The following ELFN1 variants were observed in gnomAD, a reference collection of about 807,000 sequenced individuals.
The protein encoded by ELFN1 is extracellular leucine rich repeat and fibronectin type III domain containing 1, also known as protein ELFN1.
Under a neutral mutation model 7.6 loss-of-function variants are expected in ELFN1, and 6 were observed. That is an observed-to-expected ratio of 0.79 (90% confidence interval 0.43 to 1.56). The LOEUF is 1.56. Among genes scored for constraint, ELFN1 ranks in the 40% most tolerant of loss-of-function variants. The probability of loss-of-function intolerance (pLI) is 0.01; values close to 1 mark genes in which losing one functional copy is unlikely to be tolerated. For missense variants in ELFN1, 1,169 were observed against 1,232.2 expected, an observed-to-expected ratio of 0.95 and a Z score of 0.77; for synonymous variants, 657 against 588.1, an observed-to-expected ratio of 1.12 and a Z score of -1.70.
chr7:1,670,228 G>C (rs1478325128), upstream of ELFN1, among the ~76,000 whole-genome samples: 1 of 151,338 alleles, frequency 6.6e-6, no homozygotes, highest in African/African-American at 2.4e-5. The surrounding 1 kb of genome is among the most constrained non-coding windows in gnomAD (Gnocchi z 6.4). Context: ...GCGCGGCGAG[G>C]GGCGGGGCCG....
chr7:1,731,617 C>G (rs760812044), intron 3 of ELFN1, among the ~76,000 whole-genome samples: 2 of 152,166 alleles, frequency 1.3e-5, no homozygotes. Flanking sequence ...CCAGGAAAAC[C>G]GTGACATATG....
rs529040130 is a variant in ELFN1 at position 1,703,353 on chromosome 7, C to G, written c.-455-5738C>G. On this transcript the variant is annotated intron_variant, in intron 2 of 3. Coordinates refer to ENST00000424383, the MANE Select transcript of ELFN1 (RefSeq NM_001128636.4). ...GCTATACAGCTTTTAATTTGGGTTA[C>G]TTTTTGTGTTCCTTTTTCTTATTTT... is the stretch of plus-strand genomic sequence containing the variant. 2.0e-5 allele frequency among the ~76,000 whole-genome samples: 3 copies of G among 152,248 alleles called. No individual in the cohort carries two copies. The South Asian group carries it at 6.2e-4, about 32-fold the overall frequency.
chr7:1,715,519 C>T (rs958395676), intron 3 of ELFN1, among the ~76,000 whole-genome samples: 6 of 152,206 alleles, frequency 3.9e-5, no homozygotes, highest in Non-Finnish European at 8.8e-5. Flanking sequence ...TTCCTTTCCC[C>T]TCCCCAGCAC....
rs560077353 is a variant in ELFN1, at chr7:1,740,734, C to G, written c.-293-3570C>G. 9.5e-4 allele frequency among the ~76,000 whole-genome samples: 145 copies of G among 152,324 alleles called. No individual in the cohort carries two copies. The highest frequency in any genetic ancestry group is 3.2e-3 in the African/African-American group (134 of 41,584). On this transcript the variant is annotated intron_variant, in intron 3 of 3. Coordinates refer to ENST00000424383, the MANE Select transcript of ELFN1 (RefSeq NM_001128636.4). The surrounding 1 kb of genome is among the most constrained non-coding windows in gnomAD (Gnocchi z 5.0). ...CCAGCCTCTCCCCCCCGGCCCCTGACAGGAGGCTGCACAGGGCTGACTCAC... is the reference window on the plus strand; with the variant it reads ...CCAGCCTCTCCCCCCCGGCCCCTGAGAGGAGGCTGCACAGGGCTGACTCAC...
At chr7:1,666,669 C>T (rs1445066965), upstream of ELFN1, among the ~76,000 whole-genome samples, 1 of 151,534 alleles carries the variant, frequency 6.6e-6, no homozygotes, top group Non-Finnish European at 1.5e-5. The surrounding 1 kb of genome is among the most constrained non-coding windows in gnomAD (Gnocchi z 7.9). Flanking sequence ...CCTTCGAGTG[C>T]GCTGGGGTAG....
chr7:1,700,896 C>G (rs1218736870), intron 2 of ELFN1, among the ~76,000 whole-genome samples: 1 of 152,230 alleles, frequency 6.6e-6, no homozygotes, highest in African/African-American at 2.4e-5. Context: ...TGTGGATGCC[C>G]TCATTTGTGA....
At chr7:1,688,671 G>T (rs1370910809) in intron 2 of ELFN1, among the ~76,000 whole-genome samples, 4 of 152,092 alleles carry the variant, frequency 2.6e-5, no homozygotes, top group Admixed American at 2.6e-4. Context: ...GCAATTGTGA[G>T]AATAATACAG....
chr7:1,726,603 C>T (rs912531355), intron 3 of ELFN1, among the ~76,000 whole-genome samples: 1 of 152,204 alleles, frequency 6.6e-6, no homozygotes, highest in East Asian at 1.9e-4. Flanking sequence ...GCTAGCCAGC[C>T]ACTCGCTTCT....
chr7:1,687,104 T>C (rs1458428303), intron 1 of ELFN1, among the ~76,000 whole-genome samples: 4 of 152,104 alleles, frequency 2.6e-5, no homozygotes, highest in Non-Finnish European at 4.4e-5. Flanking sequence ...CCTGTGGGAA[T>C]GACTGCATTA....
At chr7:1,743,180 G>A (rs1416308876) in intron 3 of ELFN1, among the ~76,000 whole-genome samples, 2 of 152,178 alleles carry the variant, frequency 1.3e-5, no homozygotes, top group East Asian at 1.9e-4. Flanking sequence ...CCTGCCTGGG[G>A]CTTCCCCGCC....
At chr7:1,721,971 G>A (rs541999542) in intron 3 of ELFN1, among the ~76,000 whole-genome samples, 33 of 152,320 alleles carry the variant, frequency 2.2e-4, no homozygotes, top group African/African-American at 7.0e-4. Flanking sequence ...GAACATTCTG[G>A]GGTGTGTACA....
chr7:1,710,369 T>C (rs993350820), intron 3 of ELFN1, among the ~76,000 whole-genome samples: 8 of 152,194 alleles, frequency 5.3e-5, no homozygotes, highest in Non-Finnish European at 1.2e-4. Flanking sequence ...TAGAGGGAGG[T>C]ATCTCAGGAA....
chr7:1,716,627 G>A (rs1235858614), intron 3 of ELFN1, among the ~76,000 whole-genome samples: 2 of 152,216 alleles, frequency 1.3e-5, no homozygotes, highest in Non-Finnish European at 2.9e-5. Flanking sequence ...CTGTGCATAC[G>A]TGTCACGTGA....
chr7:1,671,576 G>T (rs1205276415), intron 1 of ELFN1, among the ~76,000 whole-genome samples: 3 of 152,208 alleles, frequency 2.0e-5, no homozygotes, highest in Non-Finnish European at 4.4e-5. Flanking sequence ...CTCTCTCAGG[G>T]GCTGCCCCCT....
intron 3 of ELFN1, among the ~76,000 whole-genome samples, chr7:1,711,132 C>T (rs1779640750): frequency 6.6e-6 from 1 of 152,240 alleles, no homozygotes. Flanking sequence ...TGGGATCCCT[C>T]CAAGCCCTGC....
intron 3 of ELFN1, 53 bp from the exon 4 acceptor site, chr7:1,744,248 CTGA>C (rs1780710823): frequency 3.4e-5 from 4 of 118,586 alleles, no homozygotes; most frequent in Non-Finnish European, 6.1e-5. Flanking sequence ...CGGCCGTCCC[CTGA>C]CCGCTGTCTT....
At position 1,682,802 on chromosome 7, in the gene ELFN1, A is replaced by C. The variant is rs1224789347; in HGVS notation, c.-548-5256A>C. The stretch of plus-strand genomic sequence containing the variant: ...GTGCTTTGTTCTTGGCCTTAGAGGA[A>C]AAGCATTCAGTCTTTCACCATATGA... On this transcript the variant is annotated intron_variant, in intron 1 of 3. Transcript: ENST00000424383. Among the ~76,000 whole-genome samples the C allele has an allele frequency of 2.0e-5, 3 of 152,180 alleles. No homozygotes were observed. In the East Asian group the frequency reaches 5.8e-4, roughly 29 times the overall value.
intron 3 of ELFN1, among the ~76,000 whole-genome samples, chr7:1,717,872 C>A (rs555786702): frequency 6.6e-6 from 1 of 152,172 alleles, no homozygotes; most frequent in Non-Finnish European, 1.5e-5. Context: ...TCCCCCTATG[C>A]GCAGAGTACC....
chr7:1,680,443 G>A (rs1028367006), intron 1 of ELFN1, among the ~76,000 whole-genome samples: 30 of 152,200 alleles, frequency 2.0e-4, no homozygotes, highest in Admixed American at 2.0e-4. Flanking sequence ...CCTGGGGGAC[G>A]ATGCTGAAAG....
Sources: gnomAD v4.1 joint callset for allele counts (sites outside exome capture counted in the v4.1 genomes callset) on GRCh38, gnomAD v4.1.1 for gene constraint, Gnocchi (gnomAD v3.1) non-coding constraint, MANE v1.5 for transcripts, NCBI Gene and HGNC (gene_info 2026-07-23, HGNC 2026-07-21) for gene names.